Variants in BBOF1 observed in about 807,000 individuals in gnomAD.
BBOF1 encodes the protein basal body-orientation factor 1.
Under a neutral mutation model 68.0 loss-of-function variants are expected in BBOF1, and 62 were observed. The ratio of observed to expected loss-of-function variants is 0.91; its 90% confidence interval spans 0.74 to 1.13. The LOEUF is 1.13. BBOF1 is among the 50% of genes most tolerant of loss of function. BBOF1 has a pLI of 0.00. For synonymous variants in BBOF1, 208 were observed against 198.8 expected (o/e 1.05, Z -0.39); for missense variants, 534 against 600.1 (o/e 0.89, Z 1.15).
At chr14:74,066,813 A>G (rs751076261), downstream of BBOF1, 30 of 1,613,946 alleles carry the variant, frequency 1.9e-5, no homozygotes, top group South Asian at 1.5e-4. Context: ...TTGTTCCACT[A>G]TCAATCAGAT....
intron 9 of BBOF1, among the ~76,000 whole-genome samples, chr14:74,074,506 C>T (rs915496590): frequency 1.4e-5 from 2 of 147,584 alleles, no homozygotes; most frequent in African/African-American, 2.5e-5. Context: ...AGGATGGTCT[C>T]GATCTCTTGA....
intron 9 of BBOF1, 126 bp downstream of exon 9, chr14:74,055,811 G>A: frequency 1.6e-6 from 1 of 625,918 alleles, no homozygotes; most frequent in East Asian, 2.8e-5. Context: ...ATATAAAAAG[G>A]CCCTACTGCT....
At chr14:74,079,811 T>G (rs2060653678) in intron 10 of BBOF1, among the ~76,000 whole-genome samples, 1 of 152,122 alleles carries the variant, frequency 6.6e-6, no homozygotes, top group South Asian at 2.1e-4. Flanking sequence ...TCAAATGATC[T>G]GCCCACCTTG....
chr14:74,051,010 G>A (rs368700943), intron 8 of BBOF1, among the ~76,000 whole-genome samples: 3 of 151,830 alleles, frequency 2.0e-5, no homozygotes, highest in East Asian at 3.9e-4. Context: ...TTGGGAGGCC[G>A]AGGAGGGTGG....
chr14:74,043,378 G>A (rs1361277170), intron 5 of BBOF1, among the ~76,000 whole-genome samples: 5 of 148,708 alleles, frequency 3.4e-5, no homozygotes, highest in African/African-American at 7.4e-5. Context: ...GTGAAACCCC[G>A]TCTCTACTAA....
rs557018466 is a variant in BBOF1 at position 74,071,739 on chromosome 14, G to C, written n.1380-6457G>C. ...TAAAGAGTAAAGTAAATCAGTCTTAGGGATACTGAATACTGCCATTTTTCA... is the reference window on the plus strand; with the variant it reads ...TAAAGAGTAAAGTAAATCAGTCTTACGGATACTGAATACTGCCATTTTTCA... On this transcript the variant is annotated intron_variant and non_coding_transcript_variant, in intron 9 of 12. Transcript: ENST00000492026. 27 of 1,444,640 alleles carry C rather than the reference G, an allele frequency of 1.9e-5. No individual in the cohort carries two copies. The East Asian group carries it at 6.0e-4, about 32-fold the overall frequency. The allele number at this position is 1,444,640 out of a possible 1,614,324, so 89.5% of individuals were successfully genotyped here.
chr14:74,049,675 A>T (rs776595919), intron 7 of BBOF1, 27 bp from the exon 8 acceptor site: 47 of 1,527,660 alleles, frequency 3.1e-5, no homozygotes, highest in African/African-American at 5.6e-5. Context: ...AGAAAAAAAA[A>T]ATCACCTCTC....
At chr14:74,068,739 C>CA (rs1338917208), downstream of BBOF1, 98 of 1,237,944 alleles carry the variant, frequency 7.9e-5, no homozygotes, top group Non-Finnish European at 9.3e-5. Flanking sequence ...GACTCTGTCT[C>CA]AAAAAAAAGA....
At position 74,056,033 on chromosome 14, in the gene BBOF1, T is replaced by TA. The variant is rs200751645; in HGVS notation, c.1388+349dup. On this transcript the variant is annotated intron_variant, in intron 9 of 11. Coordinates refer to ENST00000394009, the MANE Select transcript of BBOF1 (RefSeq NM_025057.3). Reference sequence around the variant, plus strand: ...GATTTTATTGGTTTGCAAAGATAAGTATTTTTTTTTTTTTTTGAGATGGGG... The same window carrying TA: ...GATTTTATTGGTTTGCAAAGATAAGTAATTTTTTTTTTTTTTTGAGATGGGG... 3.9e-3 allele frequency among the ~76,000 whole-genome samples: 525 copies of TA among 135,794 alleles called. 9 individuals carry two copies. Among genetic ancestry groups the TA allele is most frequent in the Admixed American group, 0.028 (387 of 13,774 alleles). 89.1% of individuals were successfully genotyped at this position (135,794 alleles called of 152,430 possible).
intron 11 of BBOF1, chr14:74,081,143 C>T (rs2060664123): frequency 6.6e-6 from 1 of 152,200 alleles, no homozygotes; most frequent in Non-Finnish European, 1.5e-5. Context: ...TTGTGAAGCT[C>T]ATAAAGCACC....
intron 2 of BBOF1, among the ~76,000 whole-genome samples, chr14:74,025,958 A>G (rs571887230): frequency 1.3e-4 from 20 of 150,472 alleles, no homozygotes; most frequent in African/African-American, 4.9e-4. Flanking sequence ...TGGCCAACAG[A>G]GTGAAACCCC....
chr14:74,082,561 G>A (rs748075068), intron 12 of BBOF1, among the ~76,000 whole-genome samples: 2 of 151,728 alleles, frequency 1.3e-5, no homozygotes, highest in Non-Finnish European at 2.9e-5. Flanking sequence ...CACCACACCC[G>A]GCTAATTTTT....
chr14:74,029,717 T>G (rs1320472353), intron 3 of BBOF1, among the ~76,000 whole-genome samples: 1 of 151,664 alleles, frequency 6.6e-6, no homozygotes, highest in East Asian at 1.9e-4. Flanking sequence ...CAACATATTA[T>G]AAAAATAAGT....
Position 74,047,639 on chromosome 14 carries a change from A to G in BBOF1, c.648-291A>G, listed in dbSNP as rs529190150. Among the ~76,000 whole-genome samples, 11 of 152,014 alleles carry G rather than the reference A, an allele frequency of 7.2e-5. No individual in the cohort carries two copies. In the South Asian group the frequency reaches 1.0e-3, roughly 14 times the overall value. ...TTTTCTGTAGAGATTGGGTCTCACT[A>G]TGTTGCCTAGGCTGGTCCCAAATTC... On this transcript the variant is annotated intron_variant, in intron 6 of 11. Coordinates refer to ENST00000394009, the MANE Select transcript of BBOF1 (RefSeq NM_025057.3).
intron 2 of BBOF1, among the ~76,000 whole-genome samples, chr14:74,028,011 A>G (rs1403339422): frequency 6.6e-6 from 1 of 152,182 alleles, no homozygotes; most frequent in Non-Finnish European, 1.5e-5. Flanking sequence ...TATTAATGTT[A>G]GACTTCCTGA....
intron 9 of BBOF1, among the ~76,000 whole-genome samples, chr14:74,074,716 C>G (rs571719321): frequency 3.5e-4 from 53 of 152,156 alleles, no homozygotes; most frequent in Non-Finnish European, 6.8e-4. Flanking sequence ...AAAAACCACT[C>G]TAAAGGTCAT....
At chr14:74,074,954 C>T (rs1470981443) in intron 9 of BBOF1, 1 of 1,613,890 alleles carries the variant, frequency 6.2e-7, no homozygotes, top group East Asian at 2.2e-5. Context: ...AATAAACTCA[C>T]CACTGAAGAA....
intron 8 of BBOF1, among the ~76,000 whole-genome samples, chr14:74,050,732 T>C (rs1018523238): frequency 1.3e-5 from 2 of 152,130 alleles, no homozygotes; most frequent in African/African-American, 2.4e-5. Flanking sequence ...TTCAGAAATA[T>C]TTTGTACCGT....
intron 11 of BBOF1, chr14:74,059,084 C>CAAA (rs35760969): frequency 5.4e-4 from 27 of 49,650 alleles, no homozygotes; most frequent in African/African-American, 1.1e-3. Flanking sequence ...AACTCCATCT[C>CAAA]AAAAAAAAAA....
Sources: allele counts gnomAD v4.1 joint callset (sites outside exome capture counted in the v4.1 genomes callset), GRCh38; gene constraint gnomAD v4.1.1; transcripts MANE v1.5; gene names NCBI Gene and HGNC (gene_info 2026-07-23, HGNC 2026-07-21).